SEMA5B: variants seen among roughly 807,000 people sequenced by gnomAD.
SEMA5B encodes the protein semaphorin-5B.
Under a neutral mutation model 135.0 loss-of-function variants are expected in SEMA5B, and 66 were observed. That is an observed-to-expected ratio of 0.49 (90% CI 0.40 to 0.60). The LOEUF (loss-of-function observed/expected upper bound fraction) is 0.60. Among genes scored for constraint, SEMA5B ranks in the 20% least tolerant of loss-of-function variants. The probability of loss-of-function intolerance (pLI) is 0.00; values close to 1 mark genes in which losing one functional copy is unlikely to be tolerated. For missense variants in SEMA5B, 1,501 were observed against 1,566.3 expected, an observed-to-expected ratio of 0.96 and a Z score of 0.70; for synonymous variants, 690 against 639.5, an observed-to-expected ratio of 1.08 and a Z score of -1.19.
intron 10 of SEMA5B, among the ~76,000 whole-genome samples, chr3:122,923,355 C>A (rs550180342): frequency 6.6e-6 from 1 of 152,248 alleles, no homozygotes; most frequent in East Asian, 1.9e-4. Context: ...TGAGGTCCCA[C>A]TTCCCTGCCT....
At chr3:122,953,164 G>T (rs1372749116) in intron 2 of SEMA5B, among the ~76,000 whole-genome samples, 1 of 152,066 alleles carries the variant, frequency 6.6e-6, no homozygotes, top group Non-Finnish European at 1.5e-5. Flanking sequence ...TCTCTTGTCA[G>T]CCCCTAAGAA....
intron 1 of SEMA5B, among the ~76,000 whole-genome samples, chr3:122,986,990 G>A (rs1408525249): frequency 1.3e-5 from 2 of 152,154 alleles, no homozygotes; most frequent in Non-Finnish European, 2.9e-5. Flanking sequence ...GAAGGGAAGG[G>A]AGGCTGTTTT....
intron 1 of SEMA5B, chr3:122,992,733 G>A (rs1261792160): frequency 1.3e-5 from 2 of 152,220 alleles, no homozygotes; most frequent in South Asian, 2.1e-4. Context: ...ACTGTGACTC[G>A]CTTAGGTACA....
rs560415379 is a variant in SEMA5B, at chr3:122,946,119, G to A, written c.328+2387C>T. Among the ~76,000 whole-genome samples, 6 of 152,184 alleles carry A rather than the reference G, an allele frequency of 3.9e-5. No homozygotes were observed. In the East Asian group the frequency reaches 9.6e-4, roughly 24 times the overall value. On this transcript the variant is annotated intron_variant, in intron 3 of 22. Coordinates refer to ENST00000357599, the MANE Select transcript of SEMA5B (RefSeq NM_001031702.4). ...GAGAAAAAGACATTCTCCATGACACGCCTGTGATTTTAATTATAGTCAATT... is the reference window on the plus strand; with the variant it reads ...GAGAAAAAGACATTCTCCATGACACACCTGTGATTTTAATTATAGTCAATT...
chr3:122,984,196 G>A (rs1941624927), intron 1 of SEMA5B, among the ~76,000 whole-genome samples: 4 of 152,168 alleles, frequency 2.6e-5, no homozygotes, highest in Admixed American at 2.0e-4. Flanking sequence ...TTCACATAGG[G>A]CCATAGGGCC....
chr3:122,991,310 A>T (rs1941870060), intron 1 of SEMA5B, among the ~76,000 whole-genome samples: 1 of 152,182 alleles, frequency 6.6e-6, no homozygotes, highest in Admixed American at 6.5e-5. Context: ...CTAGGATGAG[A>T]CCGAGTCTCA....
intron 2 of SEMA5B, among the ~76,000 whole-genome samples, chr3:122,955,074 T>C (rs1940226045): frequency 6.6e-6 from 1 of 151,914 alleles, no homozygotes; most frequent in Non-Finnish European, 1.5e-5. Flanking sequence ...AATGCTGGGA[T>C]TGCAGGTGTT....
chr3:122,935,682 C>CTTTTTTTTTTTTTT (rs1402707939), intron 5 of SEMA5B, among the ~76,000 whole-genome samples: 2 of 70,734 alleles, frequency 2.8e-5, no homozygotes, highest in African/African-American at 1.1e-4. Flanking sequence ...CTTTTTCTTT[C>CTTTTTTTTTTTTTT]TTTCTTTTTT....
intron 12 of SEMA5B, among the ~76,000 whole-genome samples, chr3:122,921,696 A>G (rs969061871): frequency 2.6e-5 from 4 of 152,236 alleles, no homozygotes; most frequent in African/African-American, 9.6e-5. Flanking sequence ...CCAGGTACTG[A>G]TAAGTGCTTT....
intron 2 of SEMA5B, among the ~76,000 whole-genome samples, chr3:122,951,344 A>G (rs1164817763): frequency 3.3e-5 from 5 of 152,256 alleles, no homozygotes; most frequent in Non-Finnish European, 7.3e-5. Flanking sequence ...TAGGTTATCT[A>G]TAAGTAGCAA....
intron 9 of SEMA5B, among the ~76,000 whole-genome samples, chr3:122,925,896 T>C (rs1938607055): frequency 6.6e-6 from 1 of 152,032 alleles, no homozygotes. Context: ...TGAGGGTTAC[T>C]CGTCCTCACA....
chr3:122,984,272 T>G (rs1941626550), intron 1 of SEMA5B, among the ~76,000 whole-genome samples: 1 of 152,250 alleles, frequency 6.6e-6, no homozygotes, highest in African/African-American at 2.4e-5. Flanking sequence ...CCCTCAGGTC[T>G]GTCTGCCTCA....
In SEMA5B at chr3:122,944,896, G is replaced by A. The variant is rs114287007; in HGVS notation, c.329-1361C>T. 6.1e-3 allele frequency among the ~76,000 whole-genome samples: 925 copies of A among 152,280 alleles called. 9 individuals carry two copies. The highest frequency in any genetic ancestry group is 0.021 in the African/African-American group (874 of 41,574). On this transcript the variant is annotated intron_variant, in intron 3 of 22. Transcript: ENST00000357599. ...CATGGAGCAGAGGAACTTTCATGCC[G>A]CTGTTGGTAAAGATTCAGGGTAATG... is the stretch of plus-strand genomic sequence containing the variant.
intron 1 of SEMA5B, among the ~76,000 whole-genome samples, chr3:123,023,418 C>T (rs913853773): frequency 2.6e-5 from 4 of 151,860 alleles, no homozygotes; most frequent in Admixed American, 1.3e-4. Flanking sequence ...TCCCCAGAAC[C>T]CACTGGGGTT....
At chr3:122,978,200 C>T (rs1941397817) in intron 1 of SEMA5B, among the ~76,000 whole-genome samples, 1 of 152,250 alleles carries the variant, frequency 6.6e-6, no homozygotes, top group Non-Finnish European at 1.5e-5. Context: ...GGCCTGGCCC[C>T]ACCTGGGCCC....
chr3:122,983,554 C>G (rs1941596819), intron 1 of SEMA5B, among the ~76,000 whole-genome samples: 1 of 151,308 alleles, frequency 6.6e-6, no homozygotes, highest in South Asian at 2.1e-4. Context: ...TGACAGAGTC[C>G]TATTACTTGA....
At chr3:122,956,684 CAG>C (rs1391626895) in intron 2 of SEMA5B, among the ~76,000 whole-genome samples, 1 of 152,124 alleles carries the variant, frequency 6.6e-6, no homozygotes, top group Non-Finnish European at 1.5e-5. Flanking sequence ...CGTTTTCAGA[CAG>C]GGGATCGCCC....
intron 1 of SEMA5B, among the ~76,000 whole-genome samples, chr3:122,983,995 T>C (rs1483348925): frequency 6.6e-6 from 1 of 152,206 alleles, no homozygotes; most frequent in African/African-American, 2.4e-5. Flanking sequence ...AGTTTGGCTC[T>C]TAGGAAATTC....
rs191302195 is a variant in SEMA5B, at chr3:122,916,850, C to T, written c.1689-960G>A. 4.7e-4 allele frequency among the ~76,000 whole-genome samples: 72 copies of T among 152,262 alleles called. No individual in the cohort carries two copies. The East Asian group carries it at 4.8e-3, about 10-fold the overall frequency. ...CTGTAGGCGGTCACATCCCAGTTCT[C>T]GGTTCCTCAACCCTGAGGGCTGGTC... On this transcript the variant is annotated intron_variant, in intron 12 of 22. Coordinates refer to ENST00000357599, the MANE Select transcript of SEMA5B (RefSeq NM_001031702.4).
Sources: gnomAD v4.1 joint callset for allele counts (sites outside exome capture counted in the v4.1 genomes callset) on GRCh38, gnomAD v4.1.1 for gene constraint, MANE v1.5 for transcripts, NCBI Gene and HGNC (gene_info 2026-07-23, HGNC 2026-07-21) for gene names.